GLIS3: variants seen among roughly 807,000 people sequenced by gnomAD.
GLIS3 encodes the protein GLIS family zinc finger 3.
Under a neutral mutation model 78.6 loss-of-function variants are expected in GLIS3, and 53 were observed. That is an observed-to-expected ratio of 0.67 (90% CI 0.54 to 0.85). The LOEUF (loss-of-function observed/expected upper bound fraction) is 0.85, where lower values mean the gene tolerates loss of function less well. GLIS3 is among the 40% of genes least tolerant of loss of function. The pLI, the probability that GLIS3 is intolerant of heterozygous loss-of-function variation, is 0.00. For missense variants in GLIS3, 1,703 were observed against 1,231.1 expected, an observed-to-expected ratio of 1.38 and a Z score of -5.74; for synonymous variants, 684 against 509.9, an observed-to-expected ratio of 1.34 and a Z score of -4.60.
At chr9:4,233,988 T>C (rs114593008) in intron 2 of GLIS3, among the ~76,000 whole-genome samples, 1,646 of 152,310 alleles carry the variant, frequency 0.011, 14 homozygotes, top group African/African-American at 0.037. Flanking sequence ...CCAACTTTTC[T>C]TGTGAAGCTC....
chr9:4,485,834 G>A, the GLIS3 span, among the ~76,000 whole-genome samples: 1 of 151,226 alleles, frequency 6.6e-6, no homozygotes, highest in East Asian at 2.0e-4. Flanking sequence ...CAATTCTCCT[G>A]CCTCAGCCTC....
Position 4,332,937 on chromosome 9 carries a change from C to A in GLIS3, n.264+14144G>T, listed in dbSNP as rs375210188. Among the ~76,000 whole-genome samples, 19 of 152,314 alleles carry A rather than the reference C, an allele frequency of 1.2e-4. No individual in the cohort carries two copies. The East Asian group carries it at 1.5e-3, about 12-fold the overall frequency. On this transcript the variant is annotated intron_variant and non_coding_transcript_variant, in intron 2 of 4. Transcript: ENST00000471664. ...GTCTTTATTATTGTGACTAACAGGACTGACATTAATCTTGATTCAATGTTA... is the reference window on the plus strand; with the variant it reads ...GTCTTTATTATTGTGACTAACAGGAATGACATTAATCTTGATTCAATGTTA...
chr9:3,899,226 A>G (rs1280691814), intron 6 of GLIS3, among the ~76,000 whole-genome samples: 1 of 152,198 alleles, frequency 6.6e-6, no homozygotes, highest in Non-Finnish European at 1.5e-5. Context: ...TGTCATGAAA[A>G]CATCCCAGAG....
chr9:4,463,576 G>A, the GLIS3 span, among the ~76,000 whole-genome samples: 1 of 152,154 alleles, frequency 6.6e-6, no homozygotes, highest in Admixed American at 6.5e-5. Context: ...GGTAGCTGAT[G>A]GCATCTTAAT....
chr9:4,392,473 A>C, the GLIS3 span, among the ~76,000 whole-genome samples: 17 of 152,258 alleles, frequency 1.1e-4, no homozygotes, highest in South Asian at 8.3e-4. Context: ...TCTAGGTAGA[A>C]CCTGCCTCCT....
intron 2 of GLIS3, among the ~76,000 whole-genome samples, chr9:4,223,492 C>A (rs1025227317): frequency 6.6e-6 from 1 of 152,208 alleles, no homozygotes; most frequent in Non-Finnish European, 1.5e-5. Flanking sequence ...ACTGCCTCCT[C>A]CTTTTAGAGA....
At chr9:4,445,370 T>G in the GLIS3 span, among the ~76,000 whole-genome samples, 11 of 152,290 alleles carry the variant, frequency 7.2e-5, no homozygotes, top group East Asian at 2.1e-3. Flanking sequence ...TTCACGCCTA[T>G]AATCCCAGCA....
At chr9:4,129,761 G>A (rs1378996098) in intron 2 of GLIS3, among the ~76,000 whole-genome samples, 3 of 152,164 alleles carry the variant, frequency 2.0e-5, no homozygotes, top group African/African-American at 4.8e-5. Flanking sequence ...ATACCAAGGA[G>A]TGGGGCATTA....
At chr9:4,344,455 T>A (rs1817875182) in intron 2 of GLIS3, among the ~76,000 whole-genome samples, 1 of 152,202 alleles carries the variant, frequency 6.6e-6, no homozygotes. Flanking sequence ...TCTTCTGACT[T>A]CGTTATCACG....
the GLIS3 span, among the ~76,000 whole-genome samples, chr9:4,366,398 C>T: frequency 8.5e-5 from 13 of 152,166 alleles, no homozygotes; most frequent in African/African-American, 3.1e-4. Context: ...ACCCTCACAA[C>T]CTTTTCCTGG....
chr9:4,213,407 A>G (rs964652832), intron 2 of GLIS3, among the ~76,000 whole-genome samples: 1 of 152,210 alleles, frequency 6.6e-6, no homozygotes, highest in South Asian at 2.1e-4. Flanking sequence ...AAGTATCCCC[A>G]TGTTGATTTT....
intron 2 of GLIS3, among the ~76,000 whole-genome samples, chr9:4,129,833 T>A (rs1832838698): frequency 6.6e-6 from 1 of 151,950 alleles, no homozygotes; most frequent in Non-Finnish European, 1.5e-5. Context: ...GTTGAAAGAG[T>A]GTGGAGGACT....
At chr9:4,116,662 T>C (rs750907216) in intron 4 of GLIS3, among the ~76,000 whole-genome samples, 2 of 152,220 alleles carry the variant, frequency 1.3e-5, no homozygotes, top group Admixed American at 1.3e-4. Flanking sequence ...CAGATTCTTT[T>C]TCATCACTGA....
At position 4,051,416 on chromosome 9, in the gene GLIS3, C is replaced by T. The variant is rs539757495; in HGVS notation, c.1710+66352G>A. 3.7e-3 allele frequency among the ~76,000 whole-genome samples: 570 copies of T among 152,256 alleles called. 3 individuals are homozygous for T. Among genetic ancestry groups the T allele is most frequent in the African/African-American group, 0.013 (530 of 41,550 alleles). On this transcript the variant is annotated intron_variant, in intron 4 of 10. Transcript: ENST00000381971. ...GCTATAGTCTCAACATTTTCTAAGA[C>T]AGTCGGGTATAGAGCTTTGTATCTA...
At chr9:4,295,607 G>A (rs149561315) in intron 1 of GLIS3, among the ~76,000 whole-genome samples, 13 of 152,222 alleles carry the variant, frequency 8.5e-5, no homozygotes, top group African/African-American at 2.9e-4. Context: ...CCAGGGCAAC[G>A]GTTACCTTAG....
chr9:4,466,505 C>A, the GLIS3 span, among the ~76,000 whole-genome samples: 1 of 152,188 alleles, frequency 6.6e-6, no homozygotes, highest in East Asian at 1.9e-4. Context: ...GATAACAGAA[C>A]ATTAGCCCTC....
intron 2 of GLIS3, among the ~76,000 whole-genome samples, chr9:4,242,467 T>A (rs1271683645): frequency 6.6e-6 from 1 of 152,114 alleles, no homozygotes; most frequent in Non-Finnish European, 1.5e-5. Context: ...ACAGTGGCAT[T>A]CCAAAGCCCC....
At chr9:4,484,966 C>A in the GLIS3 span, among the ~76,000 whole-genome samples, 1 of 138,374 alleles carries the variant, frequency 7.2e-6, no homozygotes. Context: ...TAGATAACAT[C>A]ATCATTATTG....
intron 4 of GLIS3, among the ~76,000 whole-genome samples, chr9:3,968,477 T>C (rs10974266): frequency 0.021 from 3,158 of 152,260 alleles, 48 homozygotes; most frequent in Middle Eastern, 0.027. Flanking sequence ...AAAATACATA[T>C]ACGTGTGATA....
Sources: gnomAD v4.1 joint callset for allele counts (sites outside exome capture counted in the v4.1 genomes callset) on GRCh38, gnomAD v4.1.1 for gene constraint, MANE v1.5 for transcripts, NCBI Gene and HGNC (gene_info 2026-07-23, HGNC 2026-07-21) for gene names.